The following NEBL variants were observed in gnomAD, a reference collection of about 807,000 sequenced individuals.
NEBL encodes the protein LIM and SH3 protein 2.
A neutral mutation model predicts 140.2 loss-of-function variants in NEBL; 122 were observed. That is an observed-to-expected ratio of 0.87 (90% CI 0.75 to 1.01). The LOEUF (loss-of-function observed/expected upper bound fraction) is 1.01, where lower values mean the gene tolerates loss of function less well. Ranked by LOEUF, NEBL falls within the 50% of genes least tolerant of loss-of-function variation. The pLI, the probability that NEBL is intolerant of heterozygous loss-of-function variation, is 0.00. For missense variants in NEBL, 1,365 were observed against 1,231.3 expected (o/e 1.11, Z -1.62); for synonymous variants, 436 against 398.9 (o/e 1.09, Z -1.11).
At chr10:20,795,647 G>A (rs550345520) in intron 26 of NEBL, among the ~76,000 whole-genome samples, 2 of 151,904 alleles carry the variant, frequency 1.3e-5, no homozygotes, top group East Asian at 1.9e-4. Context: ...ATATTTAGTC[G>A]CCTTATCTTG....
upstream of NEBL, among the ~76,000 whole-genome samples, chr10:21,178,674 G>GCA (rs1254831887): frequency 2.6e-5 from 4 of 152,196 alleles, no homozygotes; most frequent in East Asian, 1.9e-4. Context: ...CCCCAACATA[G>GCA]CACAGCACAG....
At chr10:20,898,009 T>A (rs1396790674), upstream of NEBL, among the ~76,000 whole-genome samples, 1 of 152,212 alleles carries the variant, frequency 6.6e-6, no homozygotes, top group Non-Finnish European at 1.5e-5. Flanking sequence ...ATCATCATCA[T>A]CTTTGAATTC....
At chr10:20,942,968 G>T (rs900814243) in intron 4 of NEBL, among the ~76,000 whole-genome samples, 3 of 152,198 alleles carry the variant, frequency 2.0e-5, no homozygotes, top group African/African-American at 7.2e-5. Context: ...TGGAGAAATA[G>T]GAACACTTTT....
In NEBL at chr10:21,202,355, C is replaced by G. The variant is rs533390991; in HGVS notation, n.349-29878G>C. On this transcript the variant is annotated intron_variant and non_coding_transcript_variant, in intron 3 of 8. Coordinates refer to the NEBL transcript ENST00000675702. Reference sequence around the variant, plus strand: ...AAAAGTTCCTGTTACATTCTCTGTGCCCACTTCTTGACTCACCTGCGTTCT... The same window carrying G: ...AAAAGTTCCTGTTACATTCTCTGTGGCCACTTCTTGACTCACCTGCGTTCT... Among the ~76,000 whole-genome samples, 8 of 152,126 alleles carry G rather than the reference C, an allele frequency of 5.3e-5. 1 individual carries two copies. In the South Asian group the frequency reaches 1.7e-3, roughly 32 times the overall value.
intron 1 of NEBL, among the ~76,000 whole-genome samples, chr10:21,279,552 A>C (rs1177971690): frequency 6.6e-6 from 1 of 151,944 alleles, no homozygotes; most frequent in Non-Finnish European, 1.5e-5. Context: ...GGATCACTGG[A>C]GGTCATGAGT....
intron 2 of NEBL, among the ~76,000 whole-genome samples, chr10:21,097,495 G>C (rs574777633): frequency 6.6e-6 from 1 of 152,204 alleles, no homozygotes; most frequent in South Asian, 2.1e-4. Context: ...TCAATACAAT[G>C]GTGTGTCCTT....
chr10:20,787,106 C>A, intron 27 of NEBL, 96 bp downstream of exon 27: 1 of 984,700 alleles, frequency 1.0e-6, no homozygotes, highest in Non-Finnish European at 1.6e-6. Context: ...AATGAAAATA[C>A]CCAATATTCA....
intron 4 of NEBL, among the ~76,000 whole-genome samples, chr10:20,882,627 T>C (rs1413123142): frequency 2.0e-5 from 3 of 152,152 alleles, no homozygotes; most frequent in African/African-American, 7.2e-5. Context: ...AACTCTTCAT[T>C]GGCTTTTATA....
intron 4 of NEBL, among the ~76,000 whole-genome samples, chr10:20,945,129 T>C (rs1186406483): frequency 1.3e-5 from 2 of 152,246 alleles, no homozygotes; most frequent in Non-Finnish European, 2.9e-5. Context: ...TTCATTCCTG[T>C]ACGTGCAGTT....
At chr10:21,239,151 G>A (rs1047303314) in intron 3 of NEBL, among the ~76,000 whole-genome samples, 2 of 152,062 alleles carry the variant, frequency 1.3e-5, no homozygotes, top group Non-Finnish European at 2.9e-5. Flanking sequence ...ATCTTGAATT[G>A]CCTGGGTTGG....
At chr10:21,017,915 C>T (rs1838621861) in intron 3 of NEBL, among the ~76,000 whole-genome samples, 1 of 151,916 alleles carries the variant, frequency 6.6e-6, no homozygotes, top group African/African-American at 2.4e-5. Context: ...CCTCCACCTC[C>T]CATGTTCAAG....
intron 18 of NEBL, among the ~76,000 whole-genome samples, 180 bp downstream of exon 18, chr10:20,826,267 A>G (rs913846331): frequency 6.6e-6 from 1 of 152,168 alleles, no homozygotes; most frequent in African/African-American, 2.4e-5. Context: ...TTCAGAGTCA[A>G]GGGGAACAAG....
intron 2 of NEBL, among the ~76,000 whole-genome samples, chr10:21,044,316 GA>G (rs1834404578): frequency 7.1e-6 from 1 of 141,516 alleles, no homozygotes; most frequent in Non-Finnish European, 1.5e-5. Context: ...AGAATCGCTT[GA>G]ACCCGGGAGG....
intron 3 of NEBL, among the ~76,000 whole-genome samples, chr10:21,243,366 G>T (rs11012613): frequency 0.19 from 28,257 of 149,194 alleles, 3,046 homozygotes; most frequent in African/African-American, 0.28. Context: ...GAGTGCAGTG[G>T]TACAATCTCA....
intron 2 of NEBL, among the ~76,000 whole-genome samples, chr10:21,045,911 T>G (rs1041524336): frequency 6.6e-6 from 1 of 152,192 alleles, no homozygotes; most frequent in African/African-American, 2.4e-5. Context: ...AAAAGATACC[T>G]GCAATCGCAT....
intron 3 of NEBL, among the ~76,000 whole-genome samples, chr10:20,966,541 T>C (rs568821737): frequency 1.1e-4 from 16 of 152,368 alleles, no homozygotes; most frequent in African/African-American, 2.9e-4. Context: ...CTGAAGTATG[T>C]GCATTTCTGC....
At chr10:20,974,547 C>A (rs574419674) in intron 3 of NEBL, among the ~76,000 whole-genome samples, 7 of 152,036 alleles carry the variant, frequency 4.6e-5, no homozygotes, top group African/African-American at 1.7e-4. Flanking sequence ...CTGCACCCAG[C>A]CTTGAAATGT....
At chr10:21,125,583 G>C (rs1178801886) in intron 2 of NEBL, among the ~76,000 whole-genome samples, 3 of 152,150 alleles carry the variant, frequency 2.0e-5, no homozygotes, top group Non-Finnish European at 2.9e-5. Flanking sequence ...GAAAAACAAA[G>C]GTGGATCTGC....
intron 26 of NEBL, among the ~76,000 whole-genome samples, chr10:20,790,643 A>G (rs1835878539): frequency 6.6e-6 from 1 of 151,938 alleles, no homozygotes. Flanking sequence ...AACAAAGACA[A>G]ACATAATTGA....
Sources: gnomAD v4.1 joint callset for allele counts (sites outside exome capture counted in the v4.1 genomes callset) on GRCh38, gnomAD v4.1.1 for gene constraint, MANE v1.5 for transcripts, NCBI Gene and HGNC (gene_info 2026-07-23, HGNC 2026-07-21) for gene names.